DENND3: variants seen among roughly 807,000 people sequenced by gnomAD.
DENND3 encodes DENN domain containing 3.
DENND3 carries 88 observed loss-of-function variants against 135.1 expected under a neutral mutation model. The observed-to-expected ratio is 0.65, with a 90% CI of 0.55 to 0.78. The LOEUF (loss-of-function observed/expected upper bound fraction) is 0.78. Among genes scored for constraint, DENND3 ranks in the 30% least tolerant of loss-of-function variants. The probability of loss-of-function intolerance (pLI) is 0.00; values close to 1 mark genes in which losing one functional copy is unlikely to be tolerated. For synonymous variants in DENND3, 693 were observed against 712.3 expected (o/e 0.97, Z 0.43); for missense variants, 1,392 against 1,688.4 (o/e 0.82, Z 3.08).
intron 11 of DENND3, 143 bp downstream of exon 11, chr8:141,165,432 A>G (rs1027783311): frequency 1.0e-5 from 6 of 583,096 alleles, no homozygotes; most frequent in Non-Finnish European, 1.8e-5. Context: ...GGCGACAGCT[A>G]GGAAGCTCTT....
rs556534156 is a variant in DENND3 at position 141,182,339 on chromosome 8, G to C, written c.2944+1485G>C. On this transcript the variant is annotated intron_variant, in intron 17 of 22. Coordinates refer to ENST00000519811, the MANE Select transcript of DENND3 (RefSeq NM_001352890.3). This position sits in a 1 kb window ranked among gnomAD's most constrained non-coding sequence, Gnocchi z 5.9. Reference sequence around the variant, plus strand: ...ATGGCAGGCCAAGAAACCCAGGAACGCGATAGACCCTGGCTGAGTGAGCAG... The same window carrying C: ...ATGGCAGGCCAAGAAACCCAGGAACCCGATAGACCCTGGCTGAGTGAGCAG... The C allele has an allele frequency of 1.0e-6, 1 of 985,256 alleles. No homozygotes were observed. Among genetic ancestry groups the C allele is most frequent in the African/African-American group, 1.7e-5 (1 of 57,210 alleles). The allele number at this position is 985,256 out of a possible 1,614,324, so 61.0% of individuals were successfully genotyped here.
intron 13 of DENND3, among the ~76,000 whole-genome samples, chr8:141,170,114 C>T (rs1821335293): frequency 6.6e-6 from 1 of 152,254 alleles, no homozygotes; most frequent in Admixed American, 6.5e-5. Context: ...AAACAGTGCA[C>T]GTGCTTGGAA....
intron 17 of DENND3, among the ~76,000 whole-genome samples, chr8:141,183,307 G>A (rs1008018898): frequency 4.6e-5 from 7 of 152,102 alleles, no homozygotes; most frequent in African/African-American, 1.4e-4. Flanking sequence ...GTGCAGTGGC[G>A]CGATCACACC....
At position 141,165,290 on chromosome 8, in the gene DENND3, GTGCTTCAC is replaced by G; in HGVS notation, c.1553+4_1553+11del. ...TCGACACCCAGTCGGAGGAGGACAG[GTGCTTCAC>G]TGTTGTGTTTTGGATCTGCAGCTCT... is the stretch of plus-strand genomic sequence containing the variant. On this transcript the variant is annotated splice_donor_variant and splice_donor_5th_base_variant and intron_variant, in intron 11 of 22. Coordinates refer to ENST00000519811, the MANE Select transcript of DENND3 (RefSeq NM_001352890.3). LOFTEE classifies it high-confidence loss of function. The G allele has an allele frequency of 6.2e-7, 1 of 1,612,920 alleles. No homozygotes were observed. The highest frequency in any genetic ancestry group is 2.2e-5 in the East Asian group (1 of 44,880).
In DENND3 at chr8:141,128,695, G is replaced by T; in HGVS notation, c.-13G>T. ...CGCCCGAGTGCGGTACTGGCGGCGGGCGGCGGGCAGCCATGGCGGAGGCCG... is the reference window on the plus strand; with the variant it reads ...CGCCCGAGTGCGGTACTGGCGGCGGTCGGCGGGCAGCCATGGCGGAGGCCG... On this transcript the variant is annotated 5_prime_UTR_variant, in exon 1 of 23. Transcript: ENST00000519811. The surrounding 1 kb of genome is among the most constrained non-coding windows in gnomAD (Gnocchi z 4.5). 7.2e-7 allele frequency: 1 copy of T among 1,379,736 alleles called. No homozygotes were observed. Among genetic ancestry groups the T allele is most frequent in the Non-Finnish European group, 9.4e-7 (1 of 1,068,314 alleles). 85.5% of individuals were successfully genotyped at this position (1,379,736 alleles called of 1,614,324 possible).
At chr8:141,163,580 C>A in intron 10 of DENND3, 151 bp downstream of exon 10, 1 of 498,310 alleles carries the variant, frequency 2.0e-6, no homozygotes, top group East Asian at 3.2e-5. Context: ...TGTGGCTCTC[C>A]CTCTTTTTTA....
chr8:141,178,337 G>A, intron 16 of DENND3, 141 bp downstream of exon 16: 11 of 1,257,604 alleles, frequency 8.7e-6, no homozygotes, highest in South Asian at 1.6e-5. Context: ...ATTTACTCTC[G>A]AGTCGCACAC....
chr8:141,144,300 T>C lies in DENND3; in HGVS notation c.735+41T>C. The stretch of plus-strand genomic sequence containing the variant: ...AATTATATTGTTTTTTCTTTGCAAA[T>C]AGTAAAAGTAAGATGTTGAAGATAA... On this transcript the variant is annotated intron_variant, in intron 5 of 22. Transcript: ENST00000519811. The surrounding 1 kb of genome is among the most constrained non-coding windows in gnomAD (Gnocchi z 4.4). 4 of 1,513,750 alleles carry C rather than the reference T, an allele frequency of 2.6e-6. No individual in the cohort carries two copies. The highest frequency in any genetic ancestry group is 3.6e-6 in the Non-Finnish European group (4 of 1,106,112). 93.8% of individuals were successfully genotyped at this position (1,513,750 alleles called of 1,614,324 possible). A position where few individuals can be genotyped will look rare whatever the true frequency, so the allele number is the denominator to read the frequency against.
intron 10 of DENND3, 116 bp downstream of exon 10, chr8:141,163,545 G>A: frequency 1.6e-6 from 1 of 622,384 alleles, no homozygotes; most frequent in South Asian, 2.8e-5. Flanking sequence ...CAAAAAGTTT[G>A]TTTTAGCATG....
rs923841971 is a variant in DENND3 at position 141,182,481 on chromosome 8, A to G, written c.2944+1627A>G. 1.1e-5 allele frequency: 11 copies of G among 985,312 alleles called. No homozygotes were observed. The African/African-American group carries it at 1.9e-4, about 17-fold the overall frequency. The allele number at this position is 985,312 out of a possible 1,614,324, so 61.0% of individuals were successfully genotyped here. On this transcript the variant is annotated intron_variant, in intron 17 of 22. Transcript: ENST00000519811. This position sits in a 1 kb window ranked among gnomAD's most constrained non-coding sequence, Gnocchi z 5.9. ...AAGATACTTTGACCGTGGCATTTGA[A>G]TACATGGTATTTTTAGGTCCCGGTT... is the stretch of plus-strand genomic sequence containing the variant.
Position 141,175,331 on chromosome 8 carries a change from TG to T in DENND3, c.2408del (p.Cys803LeufsTer11). On this transcript the variant is annotated frameshift_variant, in exon 14 of 23. Coordinates refer to ENST00000519811, the MANE Select transcript of DENND3 (RefSeq NM_001352890.3). LOFTEE classifies it high-confidence loss of function. The surrounding 1 kb of genome is among the most constrained non-coding windows in gnomAD (Gnocchi z 5.4). The stretch of plus-strand genomic sequence containing the variant: ...ACACCTGGATAAAAACGAGTGTGTG[TG>T]TAAGTTGTCCAGCTCCGTCAAGACA... ...MEHLDKNECV[C>X]KLSSSVKTNL... The T allele has an allele frequency of 6.2e-7, 1 of 1,614,220 alleles. No homozygotes were observed. Among genetic ancestry groups the T allele is most frequent in the East Asian group, 2.2e-5 (1 of 44,884 alleles).
At chr8:141,157,097 T>G (rs1819536701) in intron 8 of DENND3, among the ~76,000 whole-genome samples, 1 of 152,152 alleles carries the variant, frequency 6.6e-6, no homozygotes, top group South Asian at 2.1e-4. Context: ...CTTAATTTTT[T>G]CACACCGTTT....
intron 18 of DENND3, chr8:141,188,457 G>T (rs1240442407): frequency 6.5e-6 from 1 of 152,676 alleles, no homozygotes; most frequent in African/African-American, 2.4e-5. Context: ...GATACTCGTG[G>T]TATTTTCTTG....
chr8:141,140,216 A>G (rs576755565), intron 3 of DENND3, among the ~76,000 whole-genome samples: 13 of 152,098 alleles, frequency 8.5e-5, no homozygotes, highest in Non-Finnish European at 1.3e-4. Flanking sequence ...CTATCGTTCT[A>G]TTGATAACAC....
rs116043382 is a variant in DENND3 at position 141,180,874 on chromosome 8, G to A, written c.2944+20G>A. 7.5e-6 allele frequency: 12 copies of A among 1,594,668 alleles called. No homozygotes were observed. The highest frequency in any genetic ancestry group is 6.8e-5 in the Admixed American group (4 of 58,646). ...CTCCAGGTAAGGCCCCTCTGCCCGC[G>A]CCTCGCTGCCAGTTTTCAGCCAATC... On this transcript the variant is annotated intron_variant, in intron 17 of 22. Coordinates refer to ENST00000519811, the MANE Select transcript of DENND3 (RefSeq NM_001352890.3).
chr8:141,134,404 C>T (rs1237312234), intron 1 of DENND3, among the ~76,000 whole-genome samples: 1 of 151,764 alleles, frequency 6.6e-6, no homozygotes, highest in Non-Finnish European at 1.5e-5. Flanking sequence ...ACGCCATTCT[C>T]CTGCCTCAGC....
At chr8:141,147,386 T>C (rs1353521220) in intron 5 of DENND3, among the ~76,000 whole-genome samples, 1 of 152,214 alleles carries the variant, frequency 6.6e-6, no homozygotes, top group Non-Finnish European at 1.5e-5. Context: ...CCTTCCTCAG[T>C]CCTGCAGCCT....
chr8:141,155,959 G>A lies in DENND3; in HGVS notation c.1185G>A (p.Thr395=), dbSNP rs756976369. The part of the protein sequence containing the change: ...IPDVPLLAAQ[T]FIQRVQSLQL... ...ATGTCCCCCTCCTGGCAGCCCAGACGTTTATTCAGAGGTAACGGGAAACAT... is the reference window on the plus strand; with the variant it reads ...ATGTCCCCCTCCTGGCAGCCCAGACATTTATTCAGAGGTAACGGGAAACAT... Residue 395 remains threonine, a synonymous_variant, in exon 8 of 23, where the codon ACG becomes ACA. Coordinates refer to ENST00000519811, the MANE Select transcript of DENND3 (RefSeq NM_001352890.3). 17 of 1,609,202 alleles carry A rather than the reference G, an allele frequency of 1.1e-5. No homozygotes were observed. Among genetic ancestry groups the A allele is most frequent in the Admixed American group, 3.4e-5 (2 of 59,408 alleles).
chr8:141,190,835 C>T, intron 20 of DENND3, among the ~76,000 whole-genome samples: 1 of 152,232 alleles, frequency 6.6e-6, no homozygotes. Flanking sequence ...CCCTCGGCTG[C>T]TTGGCACAGA....
Sources: gnomAD v4.1 joint callset for allele counts (sites outside exome capture counted in the v4.1 genomes callset) on GRCh38, gnomAD v4.1.1 for gene constraint, Gnocchi (gnomAD v3.1) non-coding constraint, MANE v1.5 for transcripts, NCBI Gene and HGNC (gene_info 2026-07-23, HGNC 2026-07-21) for gene names.